The following SLC35D4 variants were observed in gnomAD, a reference collection of about 807,000 sequenced individuals.
SLC35D4 encodes the protein UDP-N-acetylglucosamine transporter SLC35D4.
chr18:23,251,949 G>T, the SLC35D4 span, among the ~76,000 whole-genome samples: 1 of 152,064 alleles, frequency 6.6e-6, no homozygotes, highest in South Asian at 2.1e-4. Flanking sequence ...AGCTGGGTGT[G>T]ATGGTGGGCG....
the SLC35D4 span, among the ~76,000 whole-genome samples, chr18:23,394,923 T>C: frequency 1.5e-5 from 2 of 132,084 alleles, no homozygotes; most frequent in Non-Finnish European, 1.5e-5. Context: ...GCAGAGGTTG[T>C]GGTGAGCCGA....
the SLC35D4 span, among the ~76,000 whole-genome samples, chr18:23,419,956 A>G: frequency 6.6e-6 from 1 of 152,200 alleles, no homozygotes; most frequent in Non-Finnish European, 1.5e-5. Context: ...ATATACATAT[A>G]TACATATATA....
chr18:23,283,508 A>AG, the SLC35D4 span, among the ~76,000 whole-genome samples: 2 of 148,196 alleles, frequency 1.3e-5, no homozygotes, highest in Non-Finnish European at 3.0e-5. Context: ...GAAAGAAAAG[A>AG]AAAGAAAGAA....
At chr18:23,293,581 TGGACAGCACAG>T in the SLC35D4 span, among the ~76,000 whole-genome samples, 1 of 152,222 alleles carries the variant, frequency 6.6e-6, no homozygotes, top group Non-Finnish European at 1.5e-5. Flanking sequence ...GCATCCACAC[TGGACAGCACAG>T]GGCTAGAGGC....
At chr18:23,249,026 G>C in the SLC35D4 span, among the ~76,000 whole-genome samples, 1 of 152,162 alleles carries the variant, frequency 6.6e-6, no homozygotes, top group Non-Finnish European at 1.5e-5. Flanking sequence ...ACTGGCTGCT[G>C]GCTCCAGATC....
chr18:23,244,841 C>T, the SLC35D4 span, among the ~76,000 whole-genome samples: 2 of 152,296 alleles, frequency 1.3e-5, no homozygotes, highest in South Asian at 2.1e-4. Context: ...GGCAGTAGGT[C>T]AGAGAACAGT....
the SLC35D4 span, among the ~76,000 whole-genome samples, chr18:23,327,061 A>G: frequency 6.6e-6 from 1 of 152,248 alleles, no homozygotes; most frequent in Non-Finnish European, 1.5e-5. Context: ...ATGTAGAGGG[A>G]AATTTATAGC....
chr18:23,322,800 C>G, the SLC35D4 span, among the ~76,000 whole-genome samples: 3 of 152,158 alleles, frequency 2.0e-5, no homozygotes, highest in Non-Finnish European at 4.4e-5. Flanking sequence ...TTAGAACACC[C>G]AATTGTAGAA....
At chr18:23,416,953 A>G in the SLC35D4 span, among the ~76,000 whole-genome samples, 471 of 152,308 alleles carry the variant, frequency 3.1e-3, 5 homozygotes, top group African/African-American at 0.01. Flanking sequence ...CAAAACATCA[A>G]TTAGAAGGCT....
At chr18:23,247,444 C>T in the SLC35D4 span, among the ~76,000 whole-genome samples, 25 of 152,322 alleles carry the variant, frequency 1.6e-4, no homozygotes, top group African/African-American at 6.0e-4. Context: ...TGTGCTGGGC[C>T]CCTTCCAAGC....
At chr18:23,265,556 CA>C in the SLC35D4 span, among the ~76,000 whole-genome samples, 4,714 of 98,284 alleles carry the variant, frequency 0.048, 202 homozygotes, top group African/African-American at 0.14. Context: ...ACATGGCTCT[CA>C]AAAAAAAAAA....
the SLC35D4 span, among the ~76,000 whole-genome samples, chr18:23,262,142 T>G: frequency 6.6e-6 from 1 of 152,184 alleles, no homozygotes; most frequent in Non-Finnish European, 1.5e-5. Flanking sequence ...ATTTTTTTCT[T>G]TAATACCAAA....
chr18:23,337,758 A>G, the SLC35D4 span, among the ~76,000 whole-genome samples: 24 of 152,356 alleles, frequency 1.6e-4, no homozygotes, highest in East Asian at 3.5e-3. Context: ...ATCAAGACAC[A>G]TGTCAATGTC....
the SLC35D4 span, among the ~76,000 whole-genome samples, chr18:23,386,934 G>C: frequency 6.6e-6 from 1 of 152,174 alleles, no homozygotes; most frequent in South Asian, 2.1e-4. Context: ...TTTTGAGACA[G>C]AGTCTCGCTC....
the SLC35D4 span, among the ~76,000 whole-genome samples, chr18:23,435,768 T>A: frequency 6.6e-6 from 1 of 152,222 alleles, no homozygotes; most frequent in African/African-American, 2.4e-5. Flanking sequence ...TGATCTCCAC[T>A]CACTGCAACC....
the SLC35D4 span, chr18:23,437,894 C>A: frequency 6.3e-7 from 1 of 1,588,230 alleles, no homozygotes; most frequent in East Asian, 2.3e-5. Context: ...GGTGCCTGCC[C>A]AAATCCCCTG....
At chr18:23,300,389 G>T in the SLC35D4 span, among the ~76,000 whole-genome samples, 15 of 152,170 alleles carry the variant, frequency 9.9e-5, no homozygotes, top group African/African-American at 3.6e-4. Flanking sequence ...TGTAACCAGG[G>T]GCTCGGACAT....
the SLC35D4 span, among the ~76,000 whole-genome samples, chr18:23,405,596 T>G: frequency 1.3e-5 from 2 of 152,292 alleles, no homozygotes; most frequent in East Asian, 3.9e-4. Flanking sequence ...ACCCATTATA[T>G]TCCAATATTC....
At chr18:23,355,038 C>T in the SLC35D4 span, among the ~76,000 whole-genome samples, 1 of 152,208 alleles carries the variant, frequency 6.6e-6, no homozygotes, top group South Asian at 2.1e-4. Context: ...CCTGAGCCCC[C>T]CCAGAACCTC....
Sources: gnomAD v4.1 joint callset for allele counts (sites outside exome capture counted in the v4.1 genomes callset) on GRCh38, gnomAD v4.1.1 for gene constraint, MANE v1.5 for transcripts, NCBI Gene and HGNC (gene_info 2026-07-23, HGNC 2026-07-21) for gene names.